Variants in HS6ST3 observed in about 807,000 individuals in gnomAD.
The protein encoded by HS6ST3 is heparan sulfate 6-O-sulfotransferase 3, also known as heparan-sulfate 6-O-sulfotransferase 3.
A neutral mutation model predicts 36.7 loss-of-function variants in HS6ST3; 12 were observed. That is an observed-to-expected ratio of 0.33 (90% CI 0.21 to 0.53). HS6ST3 has a LOEUF of 0.53. HS6ST3 is among the 20% of genes least tolerant of loss of function. The pLI is 0.95. For synonymous variants in HS6ST3, 240 were observed against 257.5 expected (o/e 0.93, Z 0.65); for missense variants, 584 against 640.9 (o/e 0.91, Z 0.96).
intron 1 of HS6ST3, among the ~76,000 whole-genome samples, chr13:96,118,528 A>G (rs1274306433): frequency 6.6e-6 from 1 of 151,592 alleles, no homozygotes; most frequent in Non-Finnish European, 1.5e-5. Flanking sequence ...GACAATTTCC[A>G]TGAAACCATA....
chr13:96,337,848 A>G lies in HS6ST3; in HGVS notation c.707+246279A>G, dbSNP rs571654940. ...TGAATTTTCTTATAATTTATCCCCTAGAGTCTAACTTTTTAACCCAGTTTC... is the reference window on the plus strand; with the variant it reads ...TGAATTTTCTTATAATTTATCCCCTGGAGTCTAACTTTTTAACCCAGTTTC... On this transcript the variant is annotated intron_variant, in intron 1 of 1. Transcript: ENST00000376705. Among the ~76,000 whole-genome samples, 7 of 151,982 alleles carry G rather than the reference A, an allele frequency of 4.6e-5. No homozygotes were observed. In the East Asian group the frequency reaches 1.2e-3, roughly 25 times the overall value.
At chr13:96,492,756 C>T (rs775552534) in intron 1 of HS6ST3, among the ~76,000 whole-genome samples, 1 of 152,130 alleles carries the variant, frequency 6.6e-6, no homozygotes, top group Non-Finnish European at 1.5e-5. Flanking sequence ...ACTGTAGCTT[C>T]CTTTTGGGAT....
chr13:96,756,798 C>A (rs1172865496), intron 1 of HS6ST3, among the ~76,000 whole-genome samples: 1 of 152,188 alleles, frequency 6.6e-6, no homozygotes, highest in Non-Finnish European at 1.5e-5. Flanking sequence ...GCATATCTAT[C>A]TATCTGTCAA....
chr13:96,377,694 T>C (rs2055321616), intron 1 of HS6ST3, among the ~76,000 whole-genome samples: 1 of 152,214 alleles, frequency 6.6e-6, no homozygotes, highest in Non-Finnish European at 1.5e-5. Flanking sequence ...ATCTCTGTTG[T>C]TTCCATTTGA....
chr13:96,536,715 A>G (rs1204144947), intron 1 of HS6ST3, among the ~76,000 whole-genome samples: 1 of 152,200 alleles, frequency 6.6e-6, no homozygotes, highest in East Asian at 1.9e-4. Flanking sequence ...ATTTTTCAGG[A>G]TAATCTGAAA....
At chr13:96,717,880 A>T (rs2138466318) in intron 1 of HS6ST3, among the ~76,000 whole-genome samples, 1 of 152,266 alleles carries the variant, frequency 6.6e-6, no homozygotes, top group East Asian at 1.9e-4. Context: ...TTAATGCATC[A>T]CTTGTCTATA....
intron 1 of HS6ST3, among the ~76,000 whole-genome samples, chr13:96,349,739 G>A (rs1052693056): frequency 6.6e-6 from 1 of 152,182 alleles, no homozygotes. Context: ...AAGAGGAAGA[G>A]AAAAATTTTA....
chr13:96,668,131 A>G (rs1044214312), intron 1 of HS6ST3, among the ~76,000 whole-genome samples: 3 of 151,946 alleles, frequency 2.0e-5, no homozygotes, highest in African/African-American at 7.3e-5. Flanking sequence ...AGATGAAAAA[A>G]CTGAGGCACA....
At chr13:96,750,238 G>A (rs1876665395) in intron 1 of HS6ST3, among the ~76,000 whole-genome samples, 1 of 152,316 alleles carries the variant, frequency 6.6e-6, no homozygotes. Flanking sequence ...TTAGTTACAT[G>A]GCCCAGGAAA....
intron 1 of HS6ST3, among the ~76,000 whole-genome samples, chr13:96,542,750 A>T (rs548123403): frequency 6.6e-6 from 1 of 152,282 alleles, no homozygotes; most frequent in South Asian, 2.1e-4. Flanking sequence ...TCCTATGGGG[A>T]AGAGGACTAC....
At chr13:96,304,707 CTTTCTTT>C (rs2054902380) in intron 1 of HS6ST3, among the ~76,000 whole-genome samples, 1 of 92,204 alleles carries the variant, frequency 1.1e-5, no homozygotes, top group African/African-American at 4.9e-5. Context: ...TTCTTTCTTT[CTTTCTTT>C]TTTTTTTTTT....
intron 1 of HS6ST3, among the ~76,000 whole-genome samples, chr13:96,369,244 A>G (rs2055277980): frequency 6.6e-6 from 1 of 152,126 alleles, no homozygotes; most frequent in Non-Finnish European, 1.5e-5. Context: ...AGAGGGGCAG[A>G]CACTGCTTGG....
intron 1 of HS6ST3, among the ~76,000 whole-genome samples, chr13:96,320,808 G>T (rs926702825): frequency 6.6e-6 from 1 of 152,204 alleles, no homozygotes; most frequent in Non-Finnish European, 1.5e-5. Flanking sequence ...TGAGTGAGAC[G>T]TTGGGTCAGT....
At chr13:96,825,344 C>A (rs1878625936) in intron 1 of HS6ST3, among the ~76,000 whole-genome samples, 2 of 152,154 alleles carry the variant, frequency 1.3e-5, no homozygotes, top group Non-Finnish European at 2.9e-5. Flanking sequence ...GATGAAGATA[C>A]TAGCTCTGCC....
At chr13:96,816,930 C>T (rs1274836938) in intron 1 of HS6ST3, among the ~76,000 whole-genome samples, 10 of 152,202 alleles carry the variant, frequency 6.6e-5, no homozygotes, top group South Asian at 2.1e-4. Flanking sequence ...ATGCGATTCC[C>T]GTCTGTCCTT....
At chr13:96,699,806 C>T (rs567144727) in intron 1 of HS6ST3, among the ~76,000 whole-genome samples, 6 of 152,280 alleles carry the variant, frequency 3.9e-5, no homozygotes, top group South Asian at 2.1e-4. Context: ...ATGTTTATTG[C>T]GGCACTATTC....
chr13:96,429,573 C>T (rs2055604468), intron 1 of HS6ST3, among the ~76,000 whole-genome samples: 1 of 152,124 alleles, frequency 6.6e-6, no homozygotes, highest in Admixed American at 6.5e-5. Flanking sequence ...TAAGTTCATT[C>T]CCTAGACATG....
intron 1 of HS6ST3, among the ~76,000 whole-genome samples, chr13:96,172,394 A>G (rs1004892160): frequency 1.3e-4 from 20 of 152,218 alleles, no homozygotes; most frequent in African/African-American, 4.6e-4. Context: ...CAGAAATTAA[A>G]AAGCCCTGTG....
At chr13:96,220,052 C>G (rs372935057) in intron 1 of HS6ST3, among the ~76,000 whole-genome samples, 8 of 152,304 alleles carry the variant, frequency 5.3e-5, no homozygotes, top group South Asian at 2.1e-4. Flanking sequence ...CAAGAACATT[C>G]ATTGAGCACC....
Sources: allele counts gnomAD v4.1 joint callset (sites outside exome capture counted in the v4.1 genomes callset), GRCh38; gene constraint gnomAD v4.1.1; transcripts MANE v1.5; gene names NCBI Gene and HGNC (gene_info 2026-07-23, HGNC 2026-07-21).